The following CTNNA2 variants were observed in gnomAD, a reference collection of about 807,000 sequenced individuals.
CTNNA2 encodes catenin alpha 2, also known as catenin alpha-2.
A neutral mutation model predicts 101.0 loss-of-function variants in CTNNA2; 42 were observed. The observed-to-expected ratio is 0.42, with a 90% CI of 0.32 to 0.54. CTNNA2 has a LOEUF of 0.54. CTNNA2 is among the 20% of genes least tolerant of loss of function. The pLI, the probability that CTNNA2 is intolerant of heterozygous loss-of-function variation, is 0.14. For missense variants in CTNNA2, 871 were observed against 1,223.1 expected, an observed-to-expected ratio of 0.71 and a Z score of 4.29; for synonymous variants, 450 against 456.4, an observed-to-expected ratio of 0.99 and a Z score of 0.18.
intron 7 of CTNNA2, chr2:80,162,319 A>C: frequency 1.1e-6 from 1 of 930,212 alleles, no homozygotes; most frequent in Non-Finnish European, 1.5e-6. Flanking sequence ...TGTAGCTTTA[A>C]AAAAATGTAT....
intron 13 of CTNNA2, chr2:80,575,369 C>T (rs1476429813): frequency 6.6e-6 from 1 of 152,042 alleles, no homozygotes; most frequent in Non-Finnish European, 1.5e-5. Context: ...TTGTGGCACA[C>T]TATGGTGTTT....
At chr2:80,506,305 A>ATGGAAGG (rs1234933164) in intron 9 of CTNNA2, among the ~76,000 whole-genome samples, 1 of 152,160 alleles carries the variant, frequency 6.6e-6, no homozygotes, top group South Asian at 2.1e-4. Context: ...GTGAGATAAA[A>ATGGAAGG]TGGAAGGTGG....
chr2:80,536,135 T>A (rs76152720), intron 9 of CTNNA2, among the ~76,000 whole-genome samples: 100 of 152,346 alleles, frequency 6.6e-4, no homozygotes, highest in African/African-American at 2.0e-3. Context: ...AGGAACCTTG[T>A]GGTTCTCTAG....
chr2:80,647,596 C>T lies in CTNNA2; in HGVS notation c.2586C>T (p.Ala862=), dbSNP rs762041626. ...TTTTCCTACTCTAGCTGGACAGTGC[C>T]ACATCGCTTATCCAGGCAGCTAAAA... The part of the protein sequence containing the change: ...GSSDSSMLDS[A]TSLIQAAKNL... The change falls in exon 19 of 19, where the codon GCC becomes GCT. Residue 862 remains alanine (A), a synonymous_variant. Coordinates refer to ENST00000402739, the MANE Select transcript of CTNNA2 (RefSeq NM_001282597.3). 1.2e-6 allele frequency: 2 copies of T among 1,611,872 alleles called. No individual in the cohort carries two copies. Among genetic ancestry groups the T allele is most frequent in the Admixed American group, 1.7e-5 (1 of 59,920 alleles).
At position 80,057,175 on chromosome 2, in the gene CTNNA2, G is replaced by GTTT. The variant is rs1233768586; in HGVS notation, c.1056+147391_1056+147393dup. Among the ~76,000 whole-genome samples the GTTT allele has an allele frequency of 8.4e-5, 12 of 142,226 alleles. No individual in the cohort carries two copies. In the East Asian group the frequency reaches 1.8e-3, roughly 22 times the overall value. 93.3% of individuals were successfully genotyped at this position (142,226 alleles called of 152,430 possible). A position where few individuals can be genotyped will look rare whatever the true frequency, so the allele number is the denominator to read the frequency against. ...CCATGGGATAAGAAGTATATAAGTT[G>GTTT]TTTTTTTTTTTTTTTAAGGAAGACT... is the stretch of plus-strand genomic sequence containing the variant. On this transcript the variant is annotated intron_variant, in intron 7 of 18. Coordinates refer to ENST00000402739, the MANE Select transcript of CTNNA2 (RefSeq NM_001282597.3).
At chr2:80,242,085 G>A (rs1052953102) in intron 7 of CTNNA2, among the ~76,000 whole-genome samples, 13 of 152,208 alleles carry the variant, frequency 8.5e-5, no homozygotes, top group Middle Eastern at 3.4e-3. Context: ...TGAAACTTCC[G>A]TCAGCTCATT....
At chr2:80,034,427 C>T (rs1030938291) in intron 7 of CTNNA2, among the ~76,000 whole-genome samples, 2 of 148,090 alleles carry the variant, frequency 1.4e-5, no homozygotes, top group African/African-American at 5.0e-5. Context: ...GATCTCGACT[C>T]ACTGCAACTT....
intron 2 of CTNNA2, among the ~76,000 whole-genome samples, chr2:79,213,842 T>C (rs969342581): frequency 1.3e-5 from 2 of 152,100 alleles, no homozygotes; most frequent in South Asian, 4.1e-4. Flanking sequence ...AAAACAGATT[T>C]TGGAAGTTAT....
chr2:80,201,874 A>G (rs940987761), intron 7 of CTNNA2, among the ~76,000 whole-genome samples: 6 of 152,148 alleles, frequency 3.9e-5, no homozygotes, highest in Non-Finnish European at 8.8e-5. Flanking sequence ...CTAATTAAAG[A>G]ATGATCTCAG....
At chr2:80,219,454 C>T (rs1294086688) in intron 7 of CTNNA2, among the ~76,000 whole-genome samples, 4 of 152,134 alleles carry the variant, frequency 2.6e-5, no homozygotes, top group African/African-American at 9.7e-5. Context: ...GATTCAACCT[C>T]TTTGAATCCC....
chr2:79,845,381 T>C (rs982854208), intron 3 of CTNNA2, among the ~76,000 whole-genome samples: 4 of 151,912 alleles, frequency 2.6e-5, no homozygotes, highest in African/African-American at 9.7e-5. Context: ...ATTGAATAAA[T>C]AAAAGGATGA....
intron 7 of CTNNA2, among the ~76,000 whole-genome samples, chr2:80,362,035 T>G (rs2149318423): frequency 6.6e-6 from 1 of 152,200 alleles, no homozygotes; most frequent in South Asian, 2.1e-4. Flanking sequence ...ACTTGGTAAT[T>G]AGGGTGACCA....
chr2:79,990,510 T>G (rs1036016127), intron 7 of CTNNA2, among the ~76,000 whole-genome samples: 4 of 152,168 alleles, frequency 2.6e-5, no homozygotes, highest in Non-Finnish European at 1.5e-5. Flanking sequence ...CTCCTCCACT[T>G]ACTAGCTGTG....
At chr2:80,419,103 C>A (rs956009888) in intron 8 of CTNNA2, among the ~76,000 whole-genome samples, 1 of 152,090 alleles carries the variant, frequency 6.6e-6, no homozygotes, top group Non-Finnish European at 1.5e-5. Context: ...CTAGATTTTT[C>A]CTTTTCAAAG....
chr2:80,416,081 G>A (rs1680018375), intron 8 of CTNNA2, among the ~76,000 whole-genome samples: 1 of 152,034 alleles, frequency 6.6e-6, no homozygotes, highest in South Asian at 2.1e-4. Flanking sequence ...GGAAATGCTG[G>A]TCAAAGGGTA....
chr2:79,626,787 A>G (rs1380228509), intron 1 of CTNNA2, among the ~76,000 whole-genome samples: 1 of 151,874 alleles, frequency 6.6e-6, no homozygotes, highest in African/African-American at 2.4e-5. Context: ...AACATGCGTT[A>G]TATTTTAGAA....
intron 4 of CTNNA2, among the ~76,000 whole-genome samples, chr2:79,457,065 G>A (rs1281905021): frequency 1.3e-5 from 2 of 152,018 alleles, no homozygotes; most frequent in East Asian, 1.9e-4. Flanking sequence ...AGCCGGGCGC[G>A]GTGGCGGGCG....
At chr2:80,411,649 C>T (rs1054488310) in intron 8 of CTNNA2, among the ~76,000 whole-genome samples, 1 of 152,152 alleles carries the variant, frequency 6.6e-6, no homozygotes, top group Non-Finnish European at 1.5e-5. Context: ...ACAAAGTAGA[C>T]AAGTGACAGC....
chr2:80,181,525 T>A (rs1267251501), intron 7 of CTNNA2, among the ~76,000 whole-genome samples: 1 of 152,142 alleles, frequency 6.6e-6, no homozygotes, highest in Non-Finnish European at 1.5e-5. Flanking sequence ...CACTCACATG[T>A]CAAGAGCTTG....
Sources: gnomAD v4.1 joint callset for allele counts (sites outside exome capture counted in the v4.1 genomes callset) on GRCh38, gnomAD v4.1.1 for gene constraint, MANE v1.5 for transcripts, NCBI Gene and HGNC (gene_info 2026-07-23, HGNC 2026-07-21) for gene names.